The following GNLY variants were observed in gnomAD, a reference collection of about 807,000 sequenced individuals.
GNLY encodes the protein T-cell activation protein 519.
In GNLY, 15 loss-of-function variants were observed where a neutral mutation model predicts 18.5. That is an observed-to-expected ratio of 0.81 (90% confidence interval 0.54 to 1.25). GNLY has a LOEUF of 1.25. GNLY is among the 50% of genes most tolerant of loss of function. The pLI, the probability that GNLY is intolerant of heterozygous loss-of-function variation, is 0.00. For synonymous variants in GNLY, 77 were observed against 74.9 expected (o/e 1.03, Z -0.14); for missense variants, 178 against 186.9 (o/e 0.95, Z 0.28).
chr2:85,696,518 A>G (rs1465141339), intron 3 of GNLY: 1 of 151,512 alleles, frequency 6.6e-6, no homozygotes, highest in African/African-American at 2.5e-5. Flanking sequence ...AATAGTCCCT[A>G]TCTTGCAAGT....
In GNLY at chr2:85,695,989, GC is replaced by G; in HGVS notation, c.190del (p.Arg64ValfsTer7). 1 of 1,611,980 alleles carries G rather than the reference GC, an allele frequency of 6.2e-7. No individual in the cohort carries two copies. Among genetic ancestry groups the G allele is most frequent in the Non-Finnish European group, 8.5e-7 (1 of 1,178,138 alleles). On this transcript the variant is annotated frameshift_variant, in exon 3 of 5. Coordinates refer to ENST00000263863, the MANE Select transcript of GNLY (RefSeq NM_006433.5). LOFTEE classifies it high-confidence loss of function. The stretch of plus-strand genomic sequence containing the variant: ...CTGTTGACCAAAACACAGGAGCTGG[GC>G]CGTGACTACAGGACCTGTCTGACGA... The part of the protein sequence containing the change: ...GDLLTKTQEL[G>X]RDYRTCLTIV...
rs1472110342 is a variant in GNLY at position 85,695,955 on chromosome 2, C to G, written c.157-3C>G. 5 of 1,579,680 alleles carry G rather than the reference C, an allele frequency of 3.2e-6. No individual in the cohort carries two copies. The highest frequency in any genetic ancestry group is 1.7e-5 in the Admixed American group (1 of 59,844). On this transcript the variant is annotated splice_region_variant and splice_polypyrimidine_tract_variant and intron_variant, in intron 2 of 4. Coordinates refer to ENST00000263863, the MANE Select transcript of GNLY (RefSeq NM_006433.5). The stretch of plus-strand genomic sequence containing the variant: ...CCATCATAAGGGCTTTCTTTCCTGA[C>G]AGGGTGACCTGTTGACCAAAACACA...
chr2:85,695,492 G>GT, intron 2 of GNLY, 69 bp downstream of exon 2: 1 of 905,116 alleles, frequency 1.1e-6, no homozygotes. Context: ...GGCTCCTGGG[G>GT]TGAGGTCTGG....
Position 85,696,049 on chromosome 2 carries a change from C to T in GNLY, c.248C>T (p.Pro83Leu). Residue 83 changes from proline to leucine, a missense_variant, in exon 3 of 5, where the codon CCC becomes CTC. Physicochemically the swap from Pro to Leu is moderately conservative, Grantham distance 98. Coordinates refer to ENST00000263863, the MANE Select transcript of GNLY (RefSeq NM_006433.5). ...AAACTGAAGAAGATGGTGGATAAGC[C>T]CACCCAGGTGAGGCCAAGGGGCTAC... ...VQKLKKMVDK[P>L]TQRSVSNAAT... 6.3e-7 allele frequency: 1 copy of T among 1,584,684 alleles called. No individual in the cohort carries two copies. Among genetic ancestry groups the T allele is most frequent in the Non-Finnish European group, 8.7e-7 (1 of 1,154,206 alleles).
Position 85,697,529 on chromosome 2 carries a change from C to G in GNLY, c.279C>G (p.Thr93=). The G allele has an allele frequency of 1.2e-6, 2 of 1,612,818 alleles. No homozygotes were observed. The highest frequency in any genetic ancestry group is 1.7e-6 in the Non-Finnish European group (2 of 1,179,938). The change falls in exon 4 of 5, where the codon ACC becomes ACG. Residue 93 remains threonine (T), a synonymous_variant. Transcript: ENST00000263863. ...PTQRSVSNAA[T]RVCRTGRSRW... ...AGAGAAGTGTTTCCAATGCTGCGAC[C>G]CGGGTGTGTAGGACGGGGAGGTCAC... is the stretch of plus-strand genomic sequence containing the variant.
At position 85,698,776 on chromosome 2, in the gene GNLY, G is replaced by A. The variant is rs1266189035; in HGVS notation, c.*202G>A. ...TAGCCGCAGCTGCTTCTTCTTTGGT[G>A]GATTTGAGGGGTGGGTGTCAGTGGC... On this transcript the variant is annotated 3_prime_UTR_variant, in exon 5 of 5. Transcript: ENST00000263863. The A allele has an allele frequency of 1.3e-6, 2 of 1,507,098 alleles. No homozygotes were observed. The highest frequency in any genetic ancestry group is 1.8e-6 in the Non-Finnish European group (2 of 1,129,828). The allele number at this position is 1,507,098 out of a possible 1,614,324, so 93.4% of individuals were successfully genotyped here.
chr2:85,694,609 T>TA, intron 1 of GNLY, 139 bp downstream of exon 1: 1 of 848,362 alleles, frequency 1.2e-6, no homozygotes, highest in Non-Finnish European at 1.6e-6. Context: ...CATGGAGGCC[T>TA]GGCCTCCCCT....
chr2:85,698,766 CT>C lies in GNLY; in HGVS notation c.*194del. ...AGCAAGATTTTAGCCGCAGCTGCTT[CT>C]TCTTTGGTGGATTTGAGGGGTGGGT... On this transcript the variant is annotated 3_prime_UTR_variant, in exon 5 of 5. Transcript: ENST00000263863. 6.6e-7 allele frequency: 1 copy of C among 1,515,588 alleles called. No homozygotes were observed. Among genetic ancestry groups the C allele is most frequent in the Non-Finnish European group, 8.8e-7 (1 of 1,133,712 alleles). 93.9% of individuals were successfully genotyped at this position (1,515,588 alleles called of 1,614,324 possible).
intron 3 of GNLY, chr2:85,696,367 A>T: frequency 3.3e-6 from 1 of 302,578 alleles, no homozygotes; most frequent in Non-Finnish European, 6.2e-6. Context: ...TGTCCAAGGC[A>T]GAGTTTGAGA....
intron 3 of GNLY, 47 bp from the exon 4 acceptor site, chr2:85,697,459 G>A (rs781004659): frequency 1.2e-5 from 18 of 1,555,560 alleles, no homozygotes; most frequent in Non-Finnish European, 1.5e-5. Flanking sequence ...GCAGAGCTGG[G>A]CAGGACTCAC....
At chr2:85,696,885 C>T (rs1376246196) in intron 3 of GNLY, 4 of 153,450 alleles carry the variant, frequency 2.6e-5, no homozygotes, top group East Asian at 1.9e-4. Flanking sequence ...CTTAGCTCCA[C>T]GTCCAGCACT....
At chr2:85,694,977 C>T (rs1165090245) in intron 1 of GNLY, 2 of 1,592,700 alleles carry the variant, frequency 1.3e-6, no homozygotes, top group Admixed American at 3.5e-5. Flanking sequence ...GTGGATTTGG[C>T]TGGGCCATCT....
At position 85,698,743 on chromosome 2, in the gene GNLY, C is replaced by CAA. The variant is rs748992178; in HGVS notation, c.*170_*171dup. The CAA allele has an allele frequency of 7.2e-6, 11 of 1,532,840 alleles. No individual in the cohort carries two copies. In the South Asian group the frequency reaches 1.3e-4, roughly 18 times the overall value. The allele number at this position is 1,532,840 out of a possible 1,614,324, so 95.0% of individuals were successfully genotyped here. On this transcript the variant is annotated 3_prime_UTR_variant, in exon 5 of 5. Transcript: ENST00000263863. Reference sequence around the variant, plus strand: ...CCTCTCACGAGAATAAAGTGTCAAGCAAGATTTTAGCCGCAGCTGCTTCTT... The same window carrying CAA: ...CCTCTCACGAGAATAAAGTGTCAAGCAAAAGATTTTAGCCGCAGCTGCTTCTT...
rs1678434718 is a variant in GNLY, at chr2:85,696,037, T to C, written c.236T>C (p.Met79Thr). The change falls in exon 3 of 5, where the codon ATG becomes ACG. Residue 79 changes from methionine to threonine, a missense_variant. Coordinates refer to ENST00000263863, the MANE Select transcript of GNLY (RefSeq NM_006433.5). ...CLTIVQKLKKMVDKPTQRSVS... is the reference protein window; with the variant it reads ...CLTIVQKLKKTVDKPTQRSVS... The stretch of plus-strand genomic sequence containing the variant: ...ACGATAGTCCAAAAACTGAAGAAGA[T>C]GGTGGATAAGCCCACCCAGGTGAGG... 1 of 1,603,442 alleles carries C rather than the reference T, an allele frequency of 6.2e-7. No individual in the cohort carries two copies. The highest frequency in any genetic ancestry group is 8.5e-7 in the Non-Finnish European group (1 of 1,170,866).
At chr2:85,697,724 A>G (rs900997852) in intron 4 of GNLY, 47 bp downstream of exon 4, 5 of 1,350,572 alleles carry the variant, frequency 3.7e-6, no homozygotes, top group Non-Finnish European at 4.2e-6. Context: ...GGTTGGAGAC[A>G]GCTTCCCCCA....
intron 2 of GNLY, 51 bp downstream of exon 2, chr2:85,695,474 T>G: frequency 9.0e-7 from 1 of 1,106,610 alleles, no homozygotes; most frequent in South Asian, 1.3e-5. Context: ...CTTTCCCTCC[T>G]CCCTGGTGGC....
chr2:85,697,323 C>T, intron 3 of GNLY, 183 bp from the exon 4 acceptor site: 2 of 603,680 alleles, frequency 3.3e-6, no homozygotes, highest in Non-Finnish European at 5.9e-6. Context: ...CAGTCTTGGG[C>T]CAGGCCTTGG....
chr2:85,695,086 AAG>A (rs1230622402), intron 1 of GNLY: 7 of 1,270,100 alleles, frequency 5.5e-6, no homozygotes, highest in Non-Finnish European at 5.6e-6. Flanking sequence ...AACAGAGGAG[AAG>A]AGAGAGTCTC....
intron 3 of GNLY, chr2:85,696,288 C>T: frequency 2.0e-6 from 1 of 488,030 alleles, no homozygotes; most frequent in South Asian, 2.9e-5. Flanking sequence ...ACATGGTTTT[C>T]ATCATGTATC....
Sources: allele counts gnomAD v4.1 joint callset, GRCh38; gene constraint gnomAD v4.1.1; transcripts MANE v1.5; gene names NCBI Gene and HGNC (gene_info 2026-07-23, HGNC 2026-07-21).